Variants in EYA1 observed in about 807,000 individuals in gnomAD.
The protein encoded by EYA1 is EYA transcriptional coactivator and phosphatase 1.
In EYA1, 16 loss-of-function variants were observed where a neutral mutation model predicts 82.0. That is an observed-to-expected ratio of 0.20 (90% CI 0.13 to 0.30). EYA1 has a LOEUF of 0.30. Ranked by LOEUF, EYA1 falls within the 10% of genes least tolerant of loss-of-function variation. The pLI is 1.00. For synonymous variants in EYA1, 261 were observed against 264.4 expected (o/e 0.99, Z 0.12); for missense variants, 633 against 730.7 (o/e 0.87, Z 1.54).
At chr8:71,507,061 T>C (rs1418318768) in intron 2 of EYA1, among the ~76,000 whole-genome samples, 1 of 152,098 alleles carries the variant, frequency 6.6e-6, no homozygotes, top group Non-Finnish European at 1.5e-5. Context: ...CTATATCAAC[T>C]CCACTAATAA....
intron 9 of EYA1, among the ~76,000 whole-genome samples, chr8:71,285,681 C>CT (rs963276175): frequency 1.4e-4 from 22 of 152,218 alleles, no homozygotes; most frequent in Non-Finnish European, 5.9e-5. Context: ...ACCCAAAAGG[C>CT]TTTTTTTGTG....
intron 2 of EYA1, among the ~76,000 whole-genome samples, chr8:71,378,550 C>T (rs1163429933): frequency 2.0e-5 from 3 of 151,784 alleles, no homozygotes; most frequent in Non-Finnish European, 4.4e-5. Context: ...TGTGATAACC[C>T]CAGGAATATA....
intron 2 of EYA1, among the ~76,000 whole-genome samples, chr8:71,432,526 G>T (rs1805699419): frequency 6.6e-6 from 1 of 152,134 alleles, no homozygotes; most frequent in African/African-American, 2.4e-5. Flanking sequence ...TTCTTCTGGA[G>T]CCTCTCTCCT....
intron 9 of EYA1, among the ~76,000 whole-genome samples, chr8:71,275,813 C>T (rs1445664151): frequency 6.6e-6 from 1 of 152,172 alleles, no homozygotes; most frequent in Non-Finnish European, 1.5e-5. Context: ...TTACTGATGA[C>T]CCTCTAATGG....
At chr8:71,383,185 A>G (rs549175100) in intron 2 of EYA1, among the ~76,000 whole-genome samples, 1 of 152,166 alleles carries the variant, frequency 6.6e-6, no homozygotes, top group African/African-American at 2.4e-5. Context: ...CAGCTAAACC[A>G]AAATTATAAA....
At chr8:71,318,742 C>T (rs1327247736) in intron 6 of EYA1, among the ~76,000 whole-genome samples, 1 of 152,052 alleles carries the variant, frequency 6.6e-6, no homozygotes, top group Non-Finnish European at 1.5e-5. Flanking sequence ...CTGTTTATTT[C>T]CATTTTAGGG....
rs1304158634 is a variant in EYA1, at chr8:71,398,021, C to T, written c.34-41510G>A. On this transcript the variant is annotated intron_variant, in intron 2 of 18. Coordinates refer to the EYA1 transcript ENST00000643681. ...TCTTTTTTCTCTCAACTTCTCTTCT[C>T]ACTTCATTTCATTCATTTGGTTTTC... is the stretch of plus-strand genomic sequence containing the variant. Among the ~76,000 whole-genome samples, 9 of 152,204 alleles carry T rather than the reference C, an allele frequency of 5.9e-5. No homozygotes were observed. In the South Asian group the frequency reaches 8.3e-4, roughly 14 times the overall value.
chr8:71,313,028 A>G (rs1383246844), intron 7 of EYA1, among the ~76,000 whole-genome samples: 2 of 152,142 alleles, frequency 1.3e-5, no homozygotes, highest in Admixed American at 6.5e-5. Flanking sequence ...ATGACCAACA[A>G]GGACTTGGTT....
At chr8:71,330,748 C>T (rs1823743246) in intron 4 of EYA1, among the ~76,000 whole-genome samples, 1 of 152,160 alleles carries the variant, frequency 6.6e-6, no homozygotes, top group South Asian at 2.1e-4. Flanking sequence ...TCAATTTTGA[C>T]ATAATTTGAA....
At chr8:71,374,659 A>C (rs1321223714) in intron 2 of EYA1, among the ~76,000 whole-genome samples, 2 of 152,218 alleles carry the variant, frequency 1.3e-5, no homozygotes, top group Non-Finnish European at 2.9e-5. Flanking sequence ...GTATACAACC[A>C]AATAAAATGA....
At chr8:71,371,423 C>T (rs1035032975) in intron 2 of EYA1, among the ~76,000 whole-genome samples, 7 of 152,078 alleles carry the variant, frequency 4.6e-5, no homozygotes, top group African/African-American at 1.7e-4. Context: ...GTATTCAGAC[C>T]AGCCCCAAAG....
intron 2 of EYA1, among the ~76,000 whole-genome samples, chr8:71,435,722 C>T (rs1490431802): frequency 6.6e-6 from 1 of 152,080 alleles, no homozygotes; most frequent in Non-Finnish European, 1.5e-5. Flanking sequence ...AGGGGATCTA[C>T]ACAATTTCAC....
intron 2 of EYA1, among the ~76,000 whole-genome samples, chr8:71,430,903 G>GA (rs10576758): frequency 0.062 from 8,361 of 135,742 alleles, 722 homozygotes; most frequent in African/African-American, 0.2. Context: ...CTAGAAAGGA[G>GA]AAAAAAAAAA....
At chr8:71,356,764 A>G (rs1461618778) in intron 1 of EYA1, 1 of 1,185,262 alleles carries the variant, frequency 8.4e-7, no homozygotes, top group Non-Finnish European at 1.0e-6. Context: ...GTGATTCATC[A>G]CTGGCCTATG....
At chr8:71,228,787 A>G (rs1485159884) in intron 12 of EYA1, among the ~76,000 whole-genome samples, 1 of 152,222 alleles carries the variant, frequency 6.6e-6, no homozygotes, top group Non-Finnish European at 1.5e-5. Context: ...TTACGGTTTT[A>G]AACATGGGGA....
chr8:71,530,742 C>T (rs1814199682), intron 2 of EYA1: 1 of 152,138 alleles, frequency 6.6e-6, no homozygotes, highest in African/African-American at 2.4e-5. Flanking sequence ...TTTCTAGCAT[C>T]TCCAAGTACA....
rs760111372 is a variant in EYA1 at position 71,303,700 on chromosome 8, T to C, written c.557-3980A>G. 9.3e-5 allele frequency among the ~76,000 whole-genome samples: 13 copies of C among 139,920 alleles called. 3 individuals are homozygous for C. The highest frequency in any genetic ancestry group is 2.0e-4 in the Non-Finnish European group (12 of 61,534). The allele number at this position is 139,920 out of a possible 152,430, so 91.8% of individuals were successfully genotyped here. On this transcript the variant is annotated intron_variant, in intron 7 of 17. Coordinates refer to ENST00000340726, the MANE Select transcript of EYA1 (RefSeq NM_000503.6). ...AGTGACTTTCCAGACTAAATGCTAC[T>C]TCCAAGACTGGAACATACAAATATC...
intron 2 of EYA1, among the ~76,000 whole-genome samples, chr8:71,533,732 C>A (rs1359891131): frequency 7.2e-5 from 11 of 152,216 alleles, no homozygotes; most frequent in Non-Finnish European, 1.6e-4. Context: ...CAAGTCCTCA[C>A]ACGAGGCCTC....
At position 71,322,368 on chromosome 8, in the gene EYA1, T is replaced by C. The variant is rs1484802035; in HGVS notation, c.203-100A>G. On this transcript the variant is annotated intron_variant, in intron 4 of 17. Coordinates refer to ENST00000340726, the MANE Select transcript of EYA1 (RefSeq NM_000503.6). ...TATTTTCAACTATAGGTTGGCCATA[T>C]GAAATTTCAGATATTTGGTCTTTGT... is the stretch of plus-strand genomic sequence containing the variant. 4.8e-6 allele frequency: 5 copies of C among 1,034,894 alleles called. No homozygotes were observed. In the Admixed American group the frequency reaches 5.5e-5, roughly 11 times the overall value. 64.1% of individuals were successfully genotyped at this position (1,034,894 alleles called of 1,614,324 possible).
Sources: gnomAD v4.1 joint callset for allele counts (sites outside exome capture counted in the v4.1 genomes callset) on GRCh38, gnomAD v4.1.1 for gene constraint, MANE v1.5 for transcripts, NCBI Gene and HGNC (gene_info 2026-07-23, HGNC 2026-07-21) for gene names.